Variants in PPP2R5A observed in about 807,000 individuals in gnomAD.
PPP2R5A encodes protein phosphatase 2 regulatory subunit B'alpha, also known as serine/threonine-protein phosphatase 2A 56 kDa regulatory subunit alpha isoform.
In PPP2R5A, 25 loss-of-function variants were observed where a neutral mutation model predicts 64.2. The ratio of observed to expected loss-of-function variants is 0.39; its 90% CI spans 0.28 to 0.54. The LOEUF (loss-of-function observed/expected upper bound fraction) is 0.54. PPP2R5A is among the 20% of genes least tolerant of loss of function. PPP2R5A has a pLI of 0.67. For synonymous variants in PPP2R5A, 198 were observed against 201.2 expected, an observed-to-expected ratio of 0.98 and a Z score of 0.13; for missense variants, 425 against 576.3, an observed-to-expected ratio of 0.74 and a Z score of 2.69.
intron 3 of PPP2R5A, among the ~76,000 whole-genome samples, chr1:212,338,750 G>C (rs1451939945): frequency 1.3e-5 from 2 of 151,348 alleles, no homozygotes; most frequent in Non-Finnish European, 2.9e-5. Flanking sequence ...TTGCGCCATT[G>C]CACTCCAGCC....
chr1:212,321,076 C>T (rs1458137920), intron 1 of PPP2R5A, among the ~76,000 whole-genome samples: 3 of 111,064 alleles, frequency 2.7e-5, no homozygotes, highest in Non-Finnish European at 5.7e-5. Context: ...CTGACCCCCC[C>T]GCCTCCCTCC....
At chr1:212,315,629 A>G (rs1028150032) in intron 1 of PPP2R5A, among the ~76,000 whole-genome samples, 18 of 152,204 alleles carry the variant, frequency 1.2e-4, no homozygotes, top group African/African-American at 4.3e-4. Flanking sequence ...AAGCCAGGCT[A>G]TATACTCAAC....
intron 2 of PPP2R5A, among the ~76,000 whole-genome samples, chr1:212,333,152 C>G (rs186753801): frequency 1.3e-5 from 2 of 152,260 alleles, no homozygotes; most frequent in African/African-American, 4.8e-5. Flanking sequence ...GTCTGCCCCC[C>G]TCGGCCTCCC....
At chr1:212,346,876 C>G (rs959679262) in intron 5 of PPP2R5A, among the ~76,000 whole-genome samples, 3 of 152,078 alleles carry the variant, frequency 2.0e-5, no homozygotes, top group South Asian at 4.1e-4. Context: ...AATATCTGCC[C>G]TATTATATTT....
intron 1 of PPP2R5A, among the ~76,000 whole-genome samples, chr1:212,286,502 TC>T (rs1398838599): frequency 6.6e-6 from 1 of 152,138 alleles, no homozygotes; most frequent in Non-Finnish European, 1.5e-5. Flanking sequence ...TCCTTCTAAT[TC>T]CCACCTGAAC....
Position 212,297,825 on chromosome 1 carries a change from C to CTTTTTTTTTTTATTTTA in PPP2R5A, c.181+11540_181+11541insTTTTTATTTTATTTTTT, listed in dbSNP as rs1368421837. 8.1e-4 allele frequency: 18 copies of CTTTTTTTTTTTATTTTA among 22,094 alleles called. 1 individual carries two copies. Among genetic ancestry groups the CTTTTTTTTTTTATTTTA allele is most frequent in the East Asian group, 5.7e-3 (9 of 1,578 alleles). The allele number at this position is 22,094 out of a possible 1,614,324, so 1.4% of individuals were successfully genotyped here. ...AAGTGAATTGTTTTTTTTTTTTTTT[C>CTTTTTTTTTTTATTTTA]TTTTTTATTTTTATTGATCATTCTT... On this transcript the variant is annotated intron_variant, in intron 1 of 12. Transcript: ENST00000261461.
chr1:212,323,383 G>A (rs1331977329), intron 1 of PPP2R5A, among the ~76,000 whole-genome samples: 2 of 152,208 alleles, frequency 1.3e-5, no homozygotes, highest in Non-Finnish European at 2.9e-5. Context: ...ACTAACGTTA[G>A]CAGTAGTACT....
At chr1:212,315,213 T>C (rs1258345804) in intron 1 of PPP2R5A, among the ~76,000 whole-genome samples, 4 of 152,208 alleles carry the variant, frequency 2.6e-5, no homozygotes, top group Non-Finnish European at 5.9e-5. Flanking sequence ...TACTGTCTTA[T>C]GAGCTTGGAG....
At chr1:212,302,146 G>C in intron 1 of PPP2R5A, 2 of 1,424,774 alleles carry the variant, frequency 1.4e-6, no homozygotes, top group South Asian at 1.2e-5. Flanking sequence ...CTTGAGGAGA[G>C]AAATGAATAG....
At chr1:212,287,966 A>G (rs1658534296) in intron 1 of PPP2R5A, among the ~76,000 whole-genome samples, 1 of 152,192 alleles carries the variant, frequency 6.6e-6, no homozygotes, top group South Asian at 2.1e-4. Flanking sequence ...ATTGAATATT[A>G]AACATTTGGT....
intron 1 of PPP2R5A, chr1:212,309,007 G>T: frequency 3.0e-6 from 2 of 668,662 alleles, no homozygotes; most frequent in South Asian, 1.7e-5. Context: ...TTTTTTTATG[G>T]TGAAAAGATA....
chr1:212,341,886 C>T (rs578256226), intron 3 of PPP2R5A, among the ~76,000 whole-genome samples: 2 of 152,180 alleles, frequency 1.3e-5, no homozygotes, highest in South Asian at 2.1e-4. Flanking sequence ...AACAGACATA[C>T]GCCACCATGC....
intron 3 of PPP2R5A, among the ~76,000 whole-genome samples, chr1:212,341,403 C>G (rs1323636593): frequency 6.6e-6 from 1 of 152,088 alleles, no homozygotes; most frequent in Non-Finnish European, 1.5e-5. Context: ...ATAGAAAGAC[C>G]AGAAGTTTTT....
At chr1:212,314,764 T>A (rs1165729483) in intron 1 of PPP2R5A, among the ~76,000 whole-genome samples, 2 of 151,920 alleles carry the variant, frequency 1.3e-5, no homozygotes, top group African/African-American at 4.8e-5. Flanking sequence ...GGTTTCACCA[T>A]ATTGGCCAGG....
chr1:212,328,573 A>T (rs1465036942), intron 1 of PPP2R5A, among the ~76,000 whole-genome samples: 1 of 152,140 alleles, frequency 6.6e-6, no homozygotes, highest in African/African-American at 2.4e-5. Flanking sequence ...TAATTATTGG[A>T]GTATCATTGA....
chr1:212,299,640 C>G (rs1003339170), intron 1 of PPP2R5A: 1 of 152,136 alleles, frequency 6.6e-6, no homozygotes, highest in Non-Finnish European at 1.5e-5. Context: ...AACTTCCAGA[C>G]AAGCTGAAAT....
chr1:212,296,895 G>A (rs1200436858), intron 1 of PPP2R5A, among the ~76,000 whole-genome samples: 2 of 152,086 alleles, frequency 1.3e-5, no homozygotes, highest in African/African-American at 4.8e-5. Flanking sequence ...CAAAACCTAG[G>A]TAGGTTACAT....
chr1:212,303,255 T>C (rs1040648187), intron 1 of PPP2R5A, among the ~76,000 whole-genome samples: 1 of 152,202 alleles, frequency 6.6e-6, no homozygotes, highest in Non-Finnish European at 1.5e-5. Context: ...CAGTACTTCT[T>C]ATTTTGACTT....
chr1:212,310,975 T>G (rs1178885250), intron 1 of PPP2R5A, among the ~76,000 whole-genome samples: 6 of 152,104 alleles, frequency 3.9e-5, no homozygotes, highest in Admixed American at 6.6e-5. Context: ...GGGAAGGAGC[T>G]CTCTTGCTTA....
Sources: gnomAD v4.1 joint callset for allele counts (sites outside exome capture counted in the v4.1 genomes callset) on GRCh38, gnomAD v4.1.1 for gene constraint, MANE v1.5 for transcripts, NCBI Gene and HGNC (gene_info 2026-07-23, HGNC 2026-07-21) for gene names.